Variants in SCMH1 observed in about 807,000 individuals in gnomAD.
SCMH1 encodes Scm polycomb group protein homolog 1, also known as polycomb protein SCMH1.
Under a neutral mutation model 70.8 loss-of-function variants are expected in SCMH1, and 37 were observed. The observed-to-expected ratio is 0.52, with a 90% CI of 0.40 to 0.69. The LOEUF (loss-of-function observed/expected upper bound fraction) is 0.69, where lower values mean the gene tolerates loss of function less well. Among genes scored for constraint, SCMH1 ranks in the 30% least tolerant of loss-of-function variants. The pLI is 0.00. For synonymous variants in SCMH1, 292 were observed against 307.4 expected (o/e 0.95, Z 0.52); for missense variants, 607 against 827.3 (o/e 0.73, Z 3.27).
intron 8 of SCMH1, among the ~76,000 whole-genome samples, chr1:41,083,363 C>T (rs751736770): frequency 3.3e-5 from 5 of 152,174 alleles, no homozygotes; most frequent in African/African-American, 9.7e-5. Context: ...CATGAGTGAA[C>T]TCCCATTCAC....
At chr1:41,211,833 G>A (rs1294170387) in intron 1 of SCMH1, among the ~76,000 whole-genome samples, 1 of 152,114 alleles carries the variant, frequency 6.6e-6, no homozygotes, top group East Asian at 1.9e-4. Flanking sequence ...ATACAATGCA[G>A]CCATAAAAAA....
intron 2 of SCMH1, among the ~76,000 whole-genome samples, chr1:41,177,617 T>C (rs1172668162): frequency 6.6e-6 from 1 of 152,114 alleles, no homozygotes; most frequent in East Asian, 1.9e-4. Flanking sequence ...GCCGATTTGA[T>C]CAACTGGAAG....
At chr1:41,114,494 T>C (rs780571978) in intron 7 of SCMH1, among the ~76,000 whole-genome samples, 1 of 152,220 alleles carries the variant, frequency 6.6e-6, no homozygotes, top group Non-Finnish European at 1.5e-5. Context: ...GTCTTTCATA[T>C]AAATTTCAAT....
chr1:41,153,950 T>C (rs1645292567), intron 4 of SCMH1, among the ~76,000 whole-genome samples: 1 of 152,114 alleles, frequency 6.6e-6, no homozygotes, highest in African/African-American at 2.4e-5. Flanking sequence ...TTAAGGACAA[T>C]ATAATAAAAA....
intron 6 of SCMH1, 90 bp downstream of exon 6, chr1:41,142,788 G>A (rs1248053370): frequency 9.1e-7 from 1 of 1,095,440 alleles, no homozygotes. Context: ...GATAAGCTGG[G>A]TACCCTAGGC....
chr1:41,162,005 C>T (rs980033882), intron 2 of SCMH1, among the ~76,000 whole-genome samples: 2 of 152,126 alleles, frequency 1.3e-5, no homozygotes, highest in African/African-American at 2.4e-5. Context: ...TCCATGGAGC[C>T]GGTGGGAGCC....
At chr1:41,044,531 T>A (rs139185390) in intron 12 of SCMH1, among the ~76,000 whole-genome samples, 1 of 152,270 alleles carries the variant, frequency 6.6e-6, no homozygotes, top group African/African-American at 2.4e-5. Context: ...CTGGCTTGTC[T>A]GGGCATAGTT....
At chr1:41,091,672 G>A (rs572543525) in intron 8 of SCMH1, among the ~76,000 whole-genome samples, 2 of 152,118 alleles carry the variant, frequency 1.3e-5, no homozygotes, top group East Asian at 1.9e-4. Flanking sequence ...AAGCTGATAC[G>A]CAACTTCAGC....
chr1:41,214,247 C>T (rs1347452926), intron 1 of SCMH1, among the ~76,000 whole-genome samples: 2 of 152,088 alleles, frequency 1.3e-5, no homozygotes, highest in Admixed American at 1.3e-4. Flanking sequence ...CATTTATTTT[C>T]TACAGATATC....
rs1287250727 is a variant in SCMH1, at chr1:41,186,117, T to C, written c.13+4A>G. ...CCTCCACGATAGGGTAAAAAGATAC[T>C]TACCATTAGGCTGCATAGTCAATGG... On this transcript the variant is annotated splice_donor_region_variant and intron_variant, in intron 2 of 14. Coordinates refer to ENST00000337495, the Ensembl canonical transcript of SCMH1. 1 of 1,546,062 alleles carries C rather than the reference T, an allele frequency of 6.5e-7. No homozygotes were observed. Among genetic ancestry groups the C allele is most frequent in the Non-Finnish European group, 8.7e-7 (1 of 1,143,184 alleles).
chr1:41,141,476 AC>A lies in SCMH1; in HGVS notation c.412+1401del, dbSNP rs142161088. Among the ~76,000 whole-genome samples the A allele has an allele frequency of 2.4e-3, 365 of 152,284 alleles. 2 individuals carry two copies. The highest frequency in any genetic ancestry group is 8.1e-3 in the African/African-American group (338 of 41,548). Reference sequence around the variant, plus strand: ...ATTATATTACATTATAAAACAAGAGACAACCAGACTATACATGCTTCTTGAT... The same window carrying A: ...ATTATATTACATTATAAAACAAGAGAAACCAGACTATACATGCTTCTTGAT... On this transcript the variant is annotated intron_variant, in intron 6 of 14. Coordinates refer to ENST00000337495, the Ensembl canonical transcript of SCMH1.
At position 41,113,834 on chromosome 1, in the gene SCMH1, AG is replaced by A. The variant is rs1669803390; in HGVS notation, c.502-309del. 6.6e-6 allele frequency among the ~76,000 whole-genome samples: 1 copy of A among 152,146 alleles called. No individual in the cohort carries two copies. Among genetic ancestry groups the A allele is most frequent in the Non-Finnish European group, 1.5e-5 (1 of 68,024 alleles). On this transcript the variant is annotated intron_variant, in intron 7 of 14. Transcript: ENST00000337495. This position sits in a 1 kb window ranked among gnomAD's most constrained non-coding sequence, Gnocchi z 4.3. ...CCCCTCTACCTACCACGGAGGTAAC[AG>A]CTACCCATGCATGTTTTATATTTTA...
Position 41,116,879 on chromosome 1 carries a change from C to T in SCMH1, c.501+43G>A, listed in dbSNP as rs764017103. The T allele has an allele frequency of 1.3e-5, 19 of 1,503,428 alleles. 2 individuals carry two copies. In the South Asian group the frequency reaches 2.2e-4, roughly 17 times the overall value. The allele number at this position is 1,503,428 out of a possible 1,614,324, so 93.1% of individuals were successfully genotyped here. On this transcript the variant is annotated intron_variant, in intron 7 of 14. Coordinates refer to ENST00000337495, the Ensembl canonical transcript of SCMH1. ...TGGACATCAAAGTCTCAATATTTGA[C>T]CTTAAGCAGCCTGGAGCTGGTGATA...
At chr1:41,100,517 CCCTTAT>C (rs1386469957) in intron 8 of SCMH1, among the ~76,000 whole-genome samples, 2 of 151,716 alleles carry the variant, frequency 1.3e-5, no homozygotes, top group African/African-American at 2.4e-5. Context: ...AAAACACAAT[CCCTTAT>C]CTTTAACATG....
chr1:41,137,301 A>G (rs1643501605), intron 6 of SCMH1, among the ~76,000 whole-genome samples: 1 of 152,138 alleles, frequency 6.6e-6, no homozygotes, highest in Admixed American at 6.6e-5. Context: ...CAAAATTCTG[A>G]TGTATGATGT....
chr1:41,177,672 G>C (rs964433895), intron 2 of SCMH1, among the ~76,000 whole-genome samples: 2 of 152,168 alleles, frequency 1.3e-5, no homozygotes, highest in African/African-American at 2.4e-5. Flanking sequence ...AATGAAGTGA[G>C]AAGAGAAGTT....
intron 1 of SCMH1, among the ~76,000 whole-genome samples, chr1:41,198,369 C>T (rs1396181077): frequency 1.3e-5 from 2 of 152,118 alleles, no homozygotes; most frequent in Middle Eastern, 3.2e-3. Context: ...TTTCTATCTA[C>T]CCCCACAAAG....
At chr1:41,178,335 G>A (rs148600718) in intron 2 of SCMH1, among the ~76,000 whole-genome samples, 35,759 of 151,972 alleles carry the variant, frequency 0.24, 5,038 homozygotes, top group Non-Finnish European at 0.31. Context: ...ATCAACTAAC[G>A]AGCAAAATAA....
intron 8 of SCMH1, among the ~76,000 whole-genome samples, chr1:41,089,406 T>C (rs2149008079): frequency 6.6e-6 from 1 of 152,366 alleles, no homozygotes; most frequent in Admixed American, 6.5e-5. Flanking sequence ...TCTTCTTATA[T>C]TCCTGTCCTA....
Sources: allele counts gnomAD v4.1 joint callset (sites outside exome capture counted in the v4.1 genomes callset), GRCh38; gene constraint gnomAD v4.1.1; non-coding constraint Gnocchi (gnomAD v3.1); transcripts MANE v1.5; gene names NCBI Gene and HGNC (gene_info 2026-07-23, HGNC 2026-07-21).